The following FLNA variants were observed in gnomAD, a reference collection of about 807,000 sequenced individuals.
FLNA encodes the protein filamin A, also known as filamin-A.
FLNA carries 7 observed loss-of-function variants against 157.6 expected under a neutral mutation model. The ratio of observed to expected loss-of-function variants is 0.04; its 90% confidence interval spans 0.03 to 0.08. The LOEUF is 0.08. FLNA is among the 10% of genes least tolerant of loss of function. The pLI is 1.00. For missense variants in FLNA, 1,750 were observed against 2,398.4 expected, an observed-to-expected ratio of 0.73 and a Z score of 5.65; for synonymous variants, 1,103 against 1,060.8, an observed-to-expected ratio of 1.04 and a Z score of -0.77.
In FLNA at chrX:154,360,024, A is replaced by T. The variant is rs1557177665; in HGVS notation, c.3771T>A (p.Gly1257=). The T allele has an allele frequency of 1.2e-5, 15 of 1,210,707 alleles. No homozygotes were observed. Among genetic ancestry groups the T allele is most frequent in the Non-Finnish European group, 1.7e-5 (15 of 895,181 alleles). ...LQVEPAVDTS[G]VQCYGPGIEG... ...CAATACCAGGCCCATAGCACTGGAC[A>T]CCGGAAGTGTCCACCGCAGGTTCCA... is the stretch of plus-strand genomic sequence containing the variant. The change falls in exon 22 of 48, where the codon GGT becomes GGA. Residue 1257 remains glycine (G), a synonymous_variant. Transcript: ENST00000369850.
rs2067624394 is a variant in FLNA, at chrX:154,352,104, G to A, written c.6769+77C>T. The A allele has an allele frequency of 3.3e-6, 4 of 1,207,075 alleles. No homozygotes were observed. The South Asian group carries it at 7.0e-5, about 21-fold the overall frequency. On this transcript the variant is annotated intron_variant, in intron 41 of 47. Transcript: ENST00000369850. Reference sequence around the variant, plus strand: ...AGGCATAGCCAAGGTAGACATGCCTGCCGGCTCTTTCCTCCACCCCCAACC... The same window carrying A: ...AGGCATAGCCAAGGTAGACATGCCTACCGGCTCTTTCCTCCACCCCCAACC...
Position 154,360,412 on chromosome X carries a change from G to A in FLNA, c.3383C>T (p.Pro1128Leu). 1.7e-6 allele frequency: 2 copies of A among 1,211,665 alleles called. No homozygotes were observed. The highest frequency in any genetic ancestry group is 2.2e-6 in the Non-Finnish European group (2 of 895,574). The change falls in exon 22 of 48, where the codon CCC becomes CTC. Residue 1128 changes from proline to leucine, a missense_variant. Coordinates refer to ENST00000369850, the MANE Select transcript of FLNA (RefSeq NM_001110556.2). ...GDGTCSVSYV[P>L]TEPGDYNINI... ...GATGTTGTAGTCCCCGGGCTCGGTG[G>A]GCACGTAGGACACGGAACATGTGCC...
In FLNA at chrX:154,361,769, C is replaced by T. The variant is rs201656372; in HGVS notation, c.2845G>A (p.Val949Ile). The part of the protein sequence containing the change: ...PVQQGPVGVN[V>I]TYGGDPIPKS... ...GGGATGGGATCCCCTCCATAAGTGA[C>T]ATTGACGCCTACTGGACCCTGGGAA... The change falls in exon 20 of 48, where the codon GTC becomes ATC. Residue 949 changes from valine (V) to isoleucine (I), a missense_variant. By Grantham distance (29) the Val-to-Ile change is conservative. This residue lies in a region of FLNA where 648 missense variants were observed against 805.8 expected (regional missense o/e 0.80). Transcript: ENST00000369850. 299 of 1,203,992 alleles carry T rather than the reference C, an allele frequency of 2.5e-4. No homozygotes were observed. Among genetic ancestry groups the T allele is most frequent in the Non-Finnish European group, 1.7e-4 (152 of 890,605 alleles).
At chrX:154,349,196 G>A (rs1332238467) in intron 47 of FLNA, among the ~76,000 whole-genome samples, 160 bp from the exon 48 acceptor site, 1 of 112,977 alleles carries the variant, frequency 8.9e-6, no homozygotes, top group African/African-American at 3.2e-5. Context: ...GCAGATTCCA[G>A]CTCCTCCCTG....
chrX:154,359,179 C>A, intron 25 of FLNA, 25 bp from the exon 26 acceptor site: 3 of 1,210,868 alleles, frequency 2.5e-6, no homozygotes, highest in Non-Finnish European at 3.4e-6. Flanking sequence ...AAAGGGATGG[C>A]GGCTGTATGA....
At position 154,351,616 on chromosome X, in the gene FLNA, C is replaced by T. The variant is rs1557175810; in HGVS notation, c.6988G>A (p.Gly2330Ser). 1 of 1,209,317 alleles carries T rather than the reference C, an allele frequency of 8.3e-7. No individual in the cohort carries two copies. Among genetic ancestry groups the T allele is most frequent in the Non-Finnish European group, 1.1e-6 (1 of 893,660 alleles). The change falls in exon 43 of 48, where the codon GGC (glycine) becomes AGC (serine). Residue 2330 changes from glycine to serine, a missense_variant. Gly to Ser is a moderately conservative substitution (Grantham distance 56). Around this residue, in one of 5 missense-constraint regions of FLNA, gnomAD observed 970 missense variants for 1,302.6 expected, o/e 0.74. Transcript: ENST00000369850. ...GAAACAGTGAGGCGGCGGGCGTCGCCAGACGGAGAAGCCACAGGCACCACG... is the reference window on the plus strand; with the variant it reads ...GAAACAGTGAGGCGGCGGGCGTCGCTAGACGGAGAAGCCACAGGCACCACG... ...PFVVPVASPS[G>S]DARRLTVSSL...
chrX:154,350,007 G>A (rs373292408), intron 45 of FLNA, 24 bp downstream of exon 45: 17 of 1,206,157 alleles, frequency 1.4e-5, no homozygotes, highest in Middle Eastern at 2.3e-4. Context: ...GTGTGCACAC[G>A]TGCAGCCGCA....
chrX:154,364,124 G>A lies in FLNA; in HGVS notation c.2178C>T (p.Asn726=), dbSNP rs371501734. 93 of 1,209,305 alleles carry A rather than the reference G, an allele frequency of 7.7e-5. No homozygotes were observed. The highest frequency in any genetic ancestry group is 6.3e-4 in the African/African-American group (36 of 57,149). Residue 726 remains asparagine, a synonymous_variant, in exon 15 of 48, where the codon AAC becomes AAT. Transcript: ENST00000369850. ...AGGAGCAGCTGTAAGTGCCATTGCC[G>A]TTGTCCTTGACCAACGCCTCCACAG... ...GCPVEALVKD[N]GNGTYSCSYV...
At chrX:154,365,592 G>T in intron 9 of FLNA, 106 bp from the exon 10 acceptor site, 1 of 944,530 alleles carries the variant, frequency 1.1e-6, no homozygotes. Flanking sequence ...TCAGAGCTTG[G>T]CTGGAGGGGG....
At position 154,366,542 on chromosome X, in the gene FLNA, C is replaced by G; in HGVS notation, c.1065+20G>C. 1 of 1,208,977 alleles carries G rather than the reference C, an allele frequency of 8.3e-7. No homozygotes were observed. Among genetic ancestry groups the G allele is most frequent in the African/African-American group, 1.7e-5 (1 of 57,932 alleles). On this transcript the variant is annotated intron_variant, in intron 7 of 47. Coordinates refer to ENST00000369850, the MANE Select transcript of FLNA (RefSeq NM_001110556.2). ...GCCACTGCCTGAGGTCACAAGCCTC[C>G]CCCCTGGCCAAGGGCTCACCTTATG... is the stretch of plus-strand genomic sequence containing the variant.
rs201503149 is a variant in FLNA, at chrX:154,364,514, C to T, written c.2022+12G>A. 6.6e-6 allele frequency: 8 copies of T among 1,208,872 alleles called. No individual in the cohort carries two copies. The highest frequency in any genetic ancestry group is 8.9e-6 in the Non-Finnish European group (8 of 894,897). On this transcript the variant is annotated intron_variant, in intron 13 of 47. Coordinates refer to ENST00000369850, the MANE Select transcript of FLNA (RefSeq NM_001110556.2). ...CAGGGCGAGACTTAGGCCATCACAG[C>T]CTGCTCTTTACCCTGTCTGGGTGGA...
At chrX:154,361,229 C>G in intron 21 of FLNA, 79 bp downstream of exon 21, 17 of 873,685 alleles carry the variant, frequency 1.9e-5, no homozygotes, top group Non-Finnish European at 2.3e-5. Flanking sequence ...TAGGGCAGGT[C>G]TGGAGAAGAT....
chrX:154,373,655 G>C (rs1357711839), intron 1 of FLNA, among the ~76,000 whole-genome samples: 3 of 112,890 alleles, frequency 2.7e-5, no homozygotes, highest in Non-Finnish European at 5.6e-5. Flanking sequence ...GAGCTGTTCA[G>C]CTGGGATCCC....
chrX:154,358,937 A>C, intron 26 of FLNA, 47 bp downstream of exon 26: 3 of 1,193,954 alleles, frequency 2.5e-6, no homozygotes, highest in Middle Eastern at 2.9e-4. Flanking sequence ...GCCCTCAAAC[A>C]GGACACTGCC....
At position 154,350,934 on chromosome X, in the gene FLNA, C is replaced by T. The variant is rs782531266; in HGVS notation, c.7131G>A (p.Glu2377=). The T allele has an allele frequency of 8.3e-7, 1 of 1,210,187 alleles. No individual in the cohort carries two copies. Among genetic ancestry groups the T allele is most frequent in the African/African-American group, 1.7e-5 (1 of 57,420 alleles). The stretch of plus-strand genomic sequence containing the variant: ...CTTGGTCAATTTCTGTGACATAGCA[C>T]TCCTCCAGGGCTCCTGAGGGGCTGT... ...KVHSPSGALE[E]CYVTEIDQDK... The change falls in exon 44 of 48, where the codon GAG becomes GAA. Residue 2377 remains glutamate (E), a synonymous_variant. Coordinates refer to ENST00000369850, the MANE Select transcript of FLNA (RefSeq NM_001110556.2).
intron 42 of FLNA, 62 bp downstream of exon 42, chrX:154,351,822 C>A: frequency 2.5e-6 from 3 of 1,189,477 alleles, no homozygotes; most frequent in Non-Finnish European, 3.4e-6. Flanking sequence ...TCTGTGCCAG[C>A]CCTGGGTCCA....
chrX:154,353,852 A>G, intron 35 of FLNA, 63 bp downstream of exon 35: 1 of 1,203,664 alleles, frequency 8.3e-7, no homozygotes, highest in South Asian at 1.8e-5. Flanking sequence ...TCCTGAGTCC[A>G]GCCCTTACCC....
chrX:154,360,249 T>A lies in FLNA; in HGVS notation c.3546A>T (p.Gln1182His). 1 of 1,211,705 alleles carries A rather than the reference T, an allele frequency of 8.3e-7. No individual in the cohort carries two copies. Among genetic ancestry groups the A allele is most frequent in the African/African-American group, 1.7e-5 (1 of 58,118 alleles). The change falls in exon 22 of 48, where the codon CAA becomes CAT. Residue 1182 changes from glutamine (Q) to histidine (H), a missense_variant. Gln to His is a conservative substitution (Grantham distance 24). Around this residue, in one of 5 missense-constraint regions of FLNA, gnomAD observed 648 missense variants for 805.8 expected, o/e 0.80. Coordinates refer to ENST00000369850, the MANE Select transcript of FLNA (RefSeq NM_001110556.2). ...RATAGEVGQF[Q>H]VDCSSAGSAE... ...CGCTGCCCGCGCTCGAGCAGTCCAC[T>A]TGGAATTGGCCCACCTCCCCAGCGG...
Position 154,370,854 on chromosome X carries a change from G to A in FLNA, c.373+19C>T. 1.7e-6 allele frequency: 2 copies of A among 1,207,311 alleles called. No individual in the cohort carries two copies. The highest frequency in any genetic ancestry group is 1.8e-5 in the South Asian group (1 of 56,714). On this transcript the variant is annotated intron_variant, in intron 2 of 47. Transcript: ENST00000369850. Reference sequence around the variant, plus strand: ...GAGTCCCCGCCCCCGCCCGCCCGGCGCTTCGGGGCGTCCCTCACCGATGGA... The same window carrying A: ...GAGTCCCCGCCCCCGCCCGCCCGGCACTTCGGGGCGTCCCTCACCGATGGA...
Sources: gnomAD v4.1 joint callset for allele counts (sites outside exome capture counted in the v4.1 genomes callset) on GRCh38, gnomAD v4.1.1 for gene constraint, gnomAD v4.1.1 regional missense constraint, MANE v1.5 for transcripts, NCBI Gene and HGNC (gene_info 2026-07-23, HGNC 2026-07-21) for gene names.